KRT5: variants seen among roughly 807,000 people sequenced by gnomAD.
KRT5 encodes the protein keratin 5, also known as keratin, type II cytoskeletal 5.
Under a neutral mutation model 44.0 loss-of-function variants are expected in KRT5, and 17 were observed. The ratio of observed to expected loss-of-function variants is 0.39; its 90% confidence interval spans 0.26 to 0.58. KRT5 has a LOEUF of 0.58. KRT5 is among the 20% of genes least tolerant of loss of function. The probability of loss-of-function intolerance (pLI) is 0.61; values close to 1 mark genes in which losing one functional copy is unlikely to be tolerated. For missense variants in KRT5, 737 were observed against 785.5 expected, an observed-to-expected ratio of 0.94 and a Z score of 0.74; for synonymous variants, 329 against 312.8, an observed-to-expected ratio of 1.05 and a Z score of -0.55.
At chr12:52,516,892 G>A (rs761946940) in intron 6 of KRT5, 35 bp from the exon 7 acceptor site, 3 of 1,609,410 alleles carry the variant, frequency 1.9e-6, no homozygotes, top group African/African-American at 2.7e-5. Flanking sequence ...GGGTTGCTTG[G>A]GACCTGAGGT....
rs1938583425 is a variant in KRT5 at position 52,515,048 on chromosome 12, C to T, written c.1667G>A (p.Ser556Asn). The T allele has an allele frequency of 6.2e-7, 1 of 1,612,288 alleles. No homozygotes were observed. Among genetic ancestry groups the T allele is most frequent in the Non-Finnish European group, 8.5e-7 (1 of 1,179,380 alleles). ...LSVGGSGFSASSGRGLGVGFG... is the reference protein window; with the variant it reads ...LSVGGSGFSANSGRGLGVGFG... ...GCCCACCCCCAGCCCTCGGCCACTG[C>T]TTGCACTGAAGCCAGAGCCCCCCAC... The change falls in exon 9 of 9, where the codon AGC becomes AAC. Residue 556 changes from serine (S) to asparagine (N), a missense_variant. Physicochemically the swap from Ser to Asn is conservative, Grantham distance 46. Coordinates refer to ENST00000252242, the MANE Select transcript of KRT5 (RefSeq NM_000424.4).
At chr12:52,517,272 A>C in intron 5 of KRT5, 40 bp from the exon 6 acceptor site, 1 of 1,612,682 alleles carries the variant, frequency 6.2e-7, no homozygotes, top group African/African-American at 1.3e-5. Flanking sequence ...TGTTTATATG[A>C]GAATGGGAAG....
chr12:52,517,564 C>A lies in KRT5; in HGVS notation c.1092+26G>T, dbSNP rs749042087. On this transcript the variant is annotated intron_variant, in intron 5 of 8. Transcript: ENST00000252242. ...CTAGACATGGGTGTGTCCCCTCACTCAGGAGACAGTCATCAGAGCACCCAC... is the reference window on the plus strand; with the variant it reads ...CTAGACATGGGTGTGTCCCCTCACTAAGGAGACAGTCATCAGAGCACCCAC... 5 of 1,608,456 alleles carry A rather than the reference C, an allele frequency of 3.1e-6. No homozygotes were observed. In the South Asian group the frequency reaches 3.3e-5, roughly 11 times the overall value.
chr12:52,517,863 C>A, intron 4 of KRT5, 34 bp downstream of exon 4: 1 of 1,611,012 alleles, frequency 6.2e-7, no homozygotes, highest in South Asian at 1.1e-5. Flanking sequence ...GAAAAAAAAC[C>A]CACCCATGTG....
Position 52,518,978 on chromosome 12 carries a change from G to C in KRT5, c.738C>G (p.Asn246Lys). 1 of 1,614,164 alleles carries C rather than the reference G, an allele frequency of 6.2e-7. No individual in the cohort carries two copies. Among genetic ancestry groups the C allele is most frequent in the South Asian group, 1.1e-5 (1 of 91,078 alleles). ...TGAAGTCTTCCACCAGGTCCTGCAT[G>C]TTTCTCAGCTCTGAGTCCAGGCGGC... The part of the protein sequence containing the change: ...ERGRLDSELR[N>K]MQDLVEDFKN... Residue 246 changes from asparagine to lysine, a missense_variant, in exon 2 of 9, where the codon AAC becomes AAG. Physicochemically the swap from Asn to Lys is moderately conservative, Grantham distance 94. Transcript: ENST00000252242.
intron 3 of KRT5, 23 bp downstream of exon 3, chr12:52,518,080 G>T (rs200382856): frequency 3.7e-5 from 59 of 1,613,634 alleles, no homozygotes; most frequent in African/African-American, 6.7e-5. Flanking sequence ...GCAGGCTGCT[G>T]GTTCTCTCCC....
chr12:52,518,371 A>T (rs781154920), intron 2 of KRT5: 2 of 679,060 alleles, frequency 2.9e-6, no homozygotes, highest in South Asian at 1.5e-5. Flanking sequence ...CTACCATATA[A>T]TAATTCTATT....
rs1308521865 is a variant in KRT5, at chr12:52,517,878, A to G, written c.927+19T>C. ...GAAAAAAAACCCACCCATGTGAAAAATTTAGATAAGTTTCTTACCGCATCA... is the reference window on the plus strand; with the variant it reads ...GAAAAAAAACCCACCCATGTGAAAAGTTTAGATAAGTTTCTTACCGCATCA... On this transcript the variant is annotated intron_variant, in intron 4 of 8. Transcript: ENST00000252242. 14 of 1,613,124 alleles carry G rather than the reference A, an allele frequency of 8.7e-6. No homozygotes were observed. Among genetic ancestry groups the G allele is most frequent in the Admixed American group, 6.7e-5 (4 of 60,012 alleles).
rs905473319 is a variant in KRT5, at chr12:52,514,768, A to G, written c.*174T>C. On this transcript the variant is annotated 3_prime_UTR_variant, in exon 9 of 9. Coordinates refer to ENST00000252242, the MANE Select transcript of KRT5 (RefSeq NM_000424.4). ...AGAATATAGAACTGCGGCACGGGAG[A>G]CCAGGGGCTGGGAATGGGGCTCTCC... 6.3e-6 allele frequency: 4 copies of G among 637,578 alleles called. No homozygotes were observed. Among genetic ancestry groups the G allele is most frequent in the Non-Finnish European group, 1.1e-5 (4 of 362,514 alleles). 39.5% of individuals were successfully genotyped at this position (637,578 alleles called of 1,614,324 possible).
In KRT5 at chr12:52,514,696, T is replaced by C; in HGVS notation, c.*246A>G. 2.0e-6 allele frequency: 1 copy of C among 510,980 alleles called. No homozygotes were observed. The highest frequency in any genetic ancestry group is 3.6e-5 in the South Asian group (1 of 28,070). 31.7% of individuals were successfully genotyped at this position (510,980 alleles called of 1,614,324 possible). ...GATTTGGGAAAACTTTGGGTTCTCG[T>C]GTCAGCAGGGGCCATGCTGTGGGAA... On this transcript the variant is annotated 3_prime_UTR_variant, in exon 9 of 9. Coordinates refer to ENST00000252242, the MANE Select transcript of KRT5 (RefSeq NM_000424.4).
At chr12:52,516,455 A>G (rs1938611087) in intron 7 of KRT5, 182 bp downstream of exon 7, 5 of 671,436 alleles carry the variant, frequency 7.4e-6, no homozygotes, top group Non-Finnish European at 1.3e-5. Flanking sequence ...GGTGGGGGAA[A>G]AGAGACCAGA....
At position 52,517,698 on chromosome 12, in the gene KRT5, G is replaced by T. The variant is rs59464425; in HGVS notation, c.984C>A (p.Asp328Glu). The T allele has an allele frequency of 6.2e-7, 1 of 1,614,204 alleles. No individual in the cohort carries two copies. Among genetic ancestry groups the T allele is most frequent in the Non-Finnish European group, 8.5e-7 (1 of 1,180,032 alleles). ...TATCCAGGTCCAGGTTGCGGTTGTTGTCCATGGAGAGGACCACTGAGGTGT... is the reference window on the plus strand; with the variant it reads ...TATCCAGGTCCAGGTTGCGGTTGTTTTCCATGGAGAGGACCACTGAGGTGT... ...VSDTSVVLSMDNNRNLDLDSI... is the reference protein window; with the variant it reads ...VSDTSVVLSMENNRNLDLDSI... Residue 328 changes from aspartate (D) to glutamate (E), a missense_variant, in exon 5 of 9, where the codon GAC becomes GAA. By Grantham distance (45) the Asp-to-Glu change is conservative. Transcript: ENST00000252242.
chr12:52,519,266 T>C (rs1437673487), intron 1 of KRT5, 106 bp from the exon 2 acceptor site: 3 of 1,515,828 alleles, frequency 2.0e-6, no homozygotes, highest in Non-Finnish European at 9.0e-7. Context: ...AGCTTTTCTG[T>C]GCACTGTGCC....
At chr12:52,515,768 C>T (rs774798876) in intron 8 of KRT5, 30 bp downstream of exon 8, 9 of 1,578,400 alleles carry the variant, frequency 5.7e-6, no homozygotes, top group Middle Eastern at 1.7e-4. Context: ...ATATTATTGT[C>T]GTTGTTAATG....
At chr12:52,515,489 A>AGGGGAGCTAGGTACTGAGGG in intron 8 of KRT5, 1 of 630,384 alleles carries the variant, frequency 1.6e-6, no homozygotes, top group Non-Finnish European at 2.8e-6. Context: ...CTAGGTACTG[A>AGGGGAGCTAGGTACTGAGGG]GGGGAGCTAG....
intron 7 of KRT5, chr12:52,516,273 T>C: frequency 2.6e-6 from 1 of 391,694 alleles, no homozygotes; most frequent in Non-Finnish European, 4.8e-6. Context: ...GGAGTAAACA[T>C]GAAAGCCTTC....
Position 52,516,877 on chromosome 12 carries a change from G to A in KRT5, c.1219-20C>T. 1 of 1,613,378 alleles carries A rather than the reference G, an allele frequency of 6.2e-7. No homozygotes were observed. Among genetic ancestry groups the A allele is most frequent in the Non-Finnish European group, 8.5e-7 (1 of 1,179,454 alleles). On this transcript the variant is annotated intron_variant, in intron 6 of 8. Coordinates refer to ENST00000252242, the MANE Select transcript of KRT5 (RefSeq NM_000424.4). Reference sequence around the variant, plus strand: ...GGCGCACTACAGATAGAAAGGAGGAGAGTGGGGTTGCTTGGGACCTGAGGT... The same window carrying A: ...GGCGCACTACAGATAGAAAGGAGGAAAGTGGGGTTGCTTGGGACCTGAGGT...
chr12:52,520,013 T>C lies in KRT5; in HGVS notation c.284A>G (p.Tyr95Cys), dbSNP rs1267955312. The change falls in exon 1 of 9, where the codon TAT (tyrosine) becomes TGT (cysteine). Residue 95 changes from tyrosine to cysteine, a missense_variant. This residue lies in a region of KRT5 where 326 missense variants were observed against 333.1 expected (regional missense o/e 0.98). Transcript: ENST00000252242. ...NRFGAGAGGG[Y>C]GFGGGAGSGF... ...ACTACCGGCACCACCTCCAAAGCCATAGCCGCCTCCAGCACCAGCACCAAA... is the reference window on the plus strand; with the variant it reads ...ACTACCGGCACCACCTCCAAAGCCACAGCCGCCTCCAGCACCAGCACCAAA... 6 of 1,613,178 alleles carry C rather than the reference T, an allele frequency of 3.7e-6. No individual in the cohort carries two copies.
At chr12:52,516,345 G>A in intron 7 of KRT5, 4 of 455,340 alleles carry the variant, frequency 8.8e-6, no homozygotes, top group Non-Finnish European at 1.2e-5. Flanking sequence ...GGATATTGAG[G>A]TTGAGCAAAG....
Sources: allele counts gnomAD v4.1 joint callset, GRCh38; gene constraint gnomAD v4.1.1; regional missense constraint gnomAD v4.1.1; transcripts MANE v1.5; gene names NCBI Gene and HGNC (gene_info 2026-07-23, HGNC 2026-07-21).